SAMD5: variants seen among roughly 807,000 people sequenced by gnomAD.
The protein encoded by SAMD5 is sterile alpha motif domain containing 5.
A neutral mutation model predicts 11.3 loss-of-function variants in SAMD5; 13 were observed. The ratio of observed to expected loss-of-function variants is 1.15; its 90% CI spans 0.75 to 1.83. The LOEUF is 1.83. Among genes scored for constraint, SAMD5 ranks in the 40% most tolerant of loss-of-function variants. The pLI is 0.00. For synonymous variants in SAMD5, 129 were observed against 111.3 expected (o/e 1.16, Z -1.00); for missense variants, 255 against 239.1 (o/e 1.07, Z -0.44).
intron 1 of SAMD5, among the ~76,000 whole-genome samples, chr6:147,661,758 T>G (rs547001949): frequency 2.8e-3 from 433 of 152,194 alleles, no homozygotes; most frequent in Non-Finnish European, 5.6e-3. Flanking sequence ...GCCTCCTGAG[T>G]AGCTGAGATT....
At chr6:147,916,758 G>C in the SAMD5 span, among the ~76,000 whole-genome samples, 28,915 of 135,724 alleles carry the variant, frequency 0.21, 3,357 homozygotes, top group South Asian at 0.43. Flanking sequence ...TTCCTGTGTC[G>C]ATGTGTTCTC....
At chr6:147,767,075 G>T in the SAMD5 span, among the ~76,000 whole-genome samples, 4 of 152,170 alleles carry the variant, frequency 2.6e-5, no homozygotes, top group Non-Finnish European at 5.9e-5. Flanking sequence ...TGATATAAAT[G>T]GTGACTGTTT....
chr6:147,710,746 G>C lies in SAMD5; in HGVS notation c.163-26571G>C, dbSNP rs566822029. Among the ~76,000 whole-genome samples, 6 of 152,172 alleles carry C rather than the reference G, an allele frequency of 3.9e-5. No individual in the cohort carries two copies. In the South Asian group the frequency reaches 1.2e-3, roughly 32 times the overall value. On this transcript the variant is annotated intron_variant, in intron 1 of 1. Coordinates refer to the SAMD5 transcript ENST00000566741. ...TTTATCATAGGTATGTTTTATATAG[G>C]AAAAGACAGTATATATGGGGTTCAG...
In SAMD5 at chr6:147,530,727, A is replaced by G. The variant is rs1054507696; in HGVS notation, c.459+21340A>G. On this transcript the variant is annotated intron_variant, in intron 1 of 1. Transcript: ENST00000367474. ...CTGAAAAGAAGAGAGCAAAGGTGCA[A>G]ATGGCTTGGGGTGGAGTTGAGGAAT... 3.3e-5 allele frequency among the ~76,000 whole-genome samples: 5 copies of G among 152,188 alleles called. No individual in the cohort carries two copies. The South Asian group carries it at 6.2e-4, about 19-fold the overall frequency.
At chr6:147,571,906 G>A (rs143695101), downstream of SAMD5, among the ~76,000 whole-genome samples, 66 of 152,198 alleles carry the variant, frequency 4.3e-4, 1 homozygote, top group East Asian at 0.01. Flanking sequence ...ATCTGCAAAA[G>A]TGCTCAGTGG....
the SAMD5 span, among the ~76,000 whole-genome samples, chr6:147,854,074 A>G: frequency 1.3e-5 from 2 of 152,216 alleles, no homozygotes; most frequent in African/African-American, 4.8e-5. Context: ...TTTAATATGT[A>G]GCCTAAGTTG....
chr6:147,624,077 C>G (rs2128450549), intron 1 of SAMD5, among the ~76,000 whole-genome samples: 1 of 152,232 alleles, frequency 6.6e-6, no homozygotes, highest in Middle Eastern at 3.4e-3. Flanking sequence ...GCCATGTTGG[C>G]CAGACTGCTC....
chr6:147,702,651 T>A (rs1306071443), intron 1 of SAMD5, among the ~76,000 whole-genome samples: 1 of 152,226 alleles, frequency 6.6e-6, no homozygotes, highest in Non-Finnish European at 1.5e-5. Flanking sequence ...GGTCAGATGA[T>A]TACTATTTAA....
chr6:147,712,072 AATTTTTAAAAATAATAGTT>A, intron 1 of SAMD5, among the ~76,000 whole-genome samples: 1 of 152,306 alleles, frequency 6.6e-6, no homozygotes, highest in Non-Finnish European at 1.5e-5. Flanking sequence ...AAACTATAAG[AATTTTTAAAAATAATAGTT>A]ATTAAAATGC....
intron 1 of SAMD5, among the ~76,000 whole-genome samples, chr6:147,637,773 G>A (rs1174669329): frequency 1.3e-5 from 2 of 152,092 alleles, no homozygotes; most frequent in African/African-American, 4.8e-5. Flanking sequence ...GTGCACAGCA[G>A]CTGTTTCAGG....
chr6:147,564,224 G>T (rs1788999201), intron 1 of SAMD5, among the ~76,000 whole-genome samples, 170 bp from the exon 2 acceptor site: 4 of 152,090 alleles, frequency 2.6e-5, no homozygotes, highest in Admixed American at 2.6e-4. Flanking sequence ...GCTTGAAAGA[G>T]AAAATTGATA....
At chr6:147,764,491 G>A in the SAMD5 span, among the ~76,000 whole-genome samples, 1 of 152,136 alleles carries the variant, frequency 6.6e-6, no homozygotes, top group South Asian at 2.1e-4. Context: ...TGGACCAGAC[G>A]ATAACATTTA....
At chr6:147,664,519 A>G (rs1015322312) in intron 1 of SAMD5, among the ~76,000 whole-genome samples, 1 of 152,188 alleles carries the variant, frequency 6.6e-6, no homozygotes, top group Non-Finnish European at 1.5e-5. Context: ...TTAATATGTT[A>G]CACACCAAAG....
At chr6:147,828,015 T>C in the SAMD5 span, among the ~76,000 whole-genome samples, 1 of 151,970 alleles carries the variant, frequency 6.6e-6, no homozygotes, top group African/African-American at 2.4e-5. Context: ...CTCGATCTCC[T>C]GACCTCGTGA....
At chr6:147,888,065 A>G in the SAMD5 span, among the ~76,000 whole-genome samples, 80 of 152,270 alleles carry the variant, frequency 5.3e-4, no homozygotes, top group African/African-American at 1.9e-3. Context: ...CCTTTATTCA[A>G]CATGGGATTT....
chr6:147,797,535 T>G, the SAMD5 span, among the ~76,000 whole-genome samples: 1 of 72,296 alleles, frequency 1.4e-5, no homozygotes, highest in Non-Finnish European at 2.4e-5. Context: ...TTCTCTTTTT[T>G]GGTTGTGTCT....
chr6:147,582,294 G>C (rs917097852), intron 1 of SAMD5, among the ~76,000 whole-genome samples: 3 of 151,290 alleles, frequency 2.0e-5, no homozygotes, highest in African/African-American at 7.3e-5. Context: ...TTGAACCCAG[G>C]AGGTGGAGGT....
chr6:147,539,210 G>A (rs192339757), intron 1 of SAMD5, among the ~76,000 whole-genome samples: 1 of 152,278 alleles, frequency 6.6e-6, no homozygotes, highest in East Asian at 1.9e-4. Context: ...AGACAGTGCG[G>A]TGCAGCTACT....
intron 1 of SAMD5, among the ~76,000 whole-genome samples, chr6:147,649,281 T>C (rs1790448424): frequency 6.6e-6 from 1 of 152,204 alleles, no homozygotes; most frequent in African/African-American, 2.4e-5. Context: ...AATCATAAGC[T>C]TCAGATGTCT....
Sources: gnomAD v4.1 joint callset for allele counts (sites outside exome capture counted in the v4.1 genomes callset) on GRCh38, gnomAD v4.1.1 for gene constraint, MANE v1.5 for transcripts, NCBI Gene and HGNC (gene_info 2026-07-23, HGNC 2026-07-21) for gene names.